The following SNTG1 variants were observed in gnomAD, a reference collection of about 807,000 sequenced individuals.
SNTG1 encodes syntrophin gamma 1.
Under a neutral mutation model 74.7 loss-of-function variants are expected in SNTG1, and 39 were observed. The observed-to-expected ratio is 0.52, with a 90% CI of 0.40 to 0.68. The LOEUF (loss-of-function observed/expected upper bound fraction) is 0.68, where lower values mean the gene tolerates loss of function less well. Among genes scored for constraint, SNTG1 ranks in the 30% least tolerant of loss-of-function variants. The pLI, the probability that SNTG1 is intolerant of heterozygous loss-of-function variation, is 0.00. For missense variants in SNTG1, 685 were observed against 609.5 expected (o/e 1.12, Z -1.30); for synonymous variants, 254 against 217.1 (o/e 1.17, Z -1.49).
At chr8:50,530,111 G>A in intron 9 of SNTG1, 66 bp from the exon 10 acceptor site, 1 of 1,239,010 alleles carries the variant, frequency 8.1e-7, no homozygotes, top group Non-Finnish European at 1.2e-6. Context: ...AAGTGTAATG[G>A]AATGCATCAG....
intron 11 of SNTG1, among the ~76,000 whole-genome samples, chr8:50,543,987 C>T (rs1052581123): frequency 2.6e-5 from 4 of 151,932 alleles, no homozygotes; most frequent in Admixed American, 2.6e-4. Flanking sequence ...GGTGAAGTGT[C>T]TGTTTATGTC....
intron 15 of SNTG1, among the ~76,000 whole-genome samples, chr8:50,683,720 T>C (rs1306946783): frequency 6.6e-6 from 1 of 152,194 alleles, no homozygotes; most frequent in African/African-American, 2.4e-5. Flanking sequence ...TGGCTTTTAC[T>C]ACTTGAGGGA....
At chr8:50,702,862 C>T (rs2095430851) in intron 15 of SNTG1, among the ~76,000 whole-genome samples, 1 of 151,402 alleles carries the variant, frequency 6.6e-6, no homozygotes, top group Admixed American at 6.6e-5. Context: ...GCAAAAGTAA[C>T]ATAATGGTAA....
At chr8:50,645,446 T>A (rs975479495) in intron 13 of SNTG1, among the ~76,000 whole-genome samples, 6 of 152,172 alleles carry the variant, frequency 3.9e-5, no homozygotes, top group Admixed American at 6.5e-5. Context: ...ATATCTTATT[T>A]GTGTGTGGAT....
intron 4 of SNTG1, among the ~76,000 whole-genome samples, chr8:50,431,035 A>T (rs191636879): frequency 2.7e-4 from 41 of 152,238 alleles, no homozygotes; most frequent in Admixed American, 2.5e-3. Context: ...TTCCACAGTG[A>T]CTTAGGTCAC....
intron 1 of SNTG1, among the ~76,000 whole-genome samples, chr8:50,022,202 T>TC (rs1816885476): frequency 6.6e-6 from 1 of 152,170 alleles, no homozygotes; most frequent in African/African-American, 2.4e-5. Context: ...GGAAATAACA[T>TC]CCCTGTGATG....
chr8:50,315,498 TA>T (rs1389866294), intron 2 of SNTG1, among the ~76,000 whole-genome samples: 1 of 149,758 alleles, frequency 6.7e-6, no homozygotes, highest in African/African-American at 2.5e-5. Flanking sequence ...TAAGAGTAGA[TA>T]AAAAATAAAA....
At chr8:50,408,468 A>G (rs2092907605) in intron 4 of SNTG1, among the ~76,000 whole-genome samples, 1 of 152,008 alleles carries the variant, frequency 6.6e-6, no homozygotes, top group South Asian at 2.1e-4. Flanking sequence ...GTGGACTGGG[A>G]CTCAGGGATG....
At chr8:49,948,822 G>T (rs976426930) in intron 1 of SNTG1, among the ~76,000 whole-genome samples, 12 of 152,208 alleles carry the variant, frequency 7.9e-5, no homozygotes, top group African/African-American at 2.9e-4. Flanking sequence ...GCACTGGAAA[G>T]AAGCGGTTCT....
intron 2 of SNTG1, among the ~76,000 whole-genome samples, chr8:50,175,987 T>A (rs565423926): frequency 4.6e-5 from 7 of 152,210 alleles, no homozygotes; most frequent in Non-Finnish European, 1.0e-4. Context: ...TCCTCAGCTG[T>A]CACAACTGGG....
intron 9 of SNTG1, among the ~76,000 whole-genome samples, chr8:50,526,682 C>CAG (rs1563525275): frequency 2.6e-5 from 4 of 151,750 alleles, no homozygotes; most frequent in African/African-American, 4.8e-5. Flanking sequence ...ATGGAGTCTC[C>CAG]CCCTGTTGCC....
intron 17 of SNTG1, among the ~76,000 whole-genome samples, chr8:50,732,002 G>A (rs2095514000): frequency 1.3e-5 from 2 of 151,922 alleles, no homozygotes; most frequent in South Asian, 4.1e-4. Flanking sequence ...CTTCAGTTAA[G>A]TATATTCATT....
rs114714150 is a variant in SNTG1 at position 49,923,678 on chromosome 8, A to C, written c.-103+11447A>C. On this transcript the variant is annotated intron_variant, in intron 1 of 18. Transcript: ENST00000642720. ...CTGCTCCTAATGAACATGGAATTTA[A>C]ACAACTGGAACAAATCCAATAAGGA... is the stretch of plus-strand genomic sequence containing the variant. 5.0e-4 allele frequency among the ~76,000 whole-genome samples: 76 copies of C among 152,288 alleles called. 1 individual carries two copies. The highest frequency in any genetic ancestry group is 1.7e-3 in the African/African-American group (71 of 41,568).
intron 17 of SNTG1, among the ~76,000 whole-genome samples, chr8:50,746,688 A>G (rs1387826873): frequency 1.3e-5 from 2 of 151,690 alleles, no homozygotes; most frequent in African/African-American, 4.8e-5. Context: ...TAGTTTATTA[A>G]CTGTGACAAG....
chr8:50,687,111 C>G (rs552054567), intron 15 of SNTG1, among the ~76,000 whole-genome samples: 2 of 147,584 alleles, frequency 1.4e-5, no homozygotes, highest in East Asian at 3.9e-4. Context: ...GTCCGCAGTC[C>G]GGCCTGGGCG....
intron 17 of SNTG1, among the ~76,000 whole-genome samples, chr8:50,742,439 C>T (rs534767679): frequency 6.6e-6 from 1 of 151,636 alleles, no homozygotes; most frequent in East Asian, 2.0e-4. Flanking sequence ...AAGAAGAAAA[C>T]AAATATTTAG....
intron 2 of SNTG1, among the ~76,000 whole-genome samples, chr8:50,254,087 G>A (rs952222027): frequency 6.6e-6 from 1 of 152,122 alleles, no homozygotes; most frequent in Non-Finnish European, 1.5e-5. Flanking sequence ...TGCATGAGGT[G>A]ATGGATACAC....
intron 1 of SNTG1, among the ~76,000 whole-genome samples, chr8:50,145,975 A>AAT (rs2081849753): frequency 1.3e-5 from 2 of 149,674 alleles, no homozygotes; most frequent in South Asian, 4.2e-4. Flanking sequence ...ATAATAATAA[A>AAT]AAAAAAAAGA....
intron 17 of SNTG1, among the ~76,000 whole-genome samples, chr8:50,738,231 G>T (rs1201355434): frequency 1.3e-5 from 2 of 152,106 alleles, no homozygotes; most frequent in African/African-American, 4.8e-5. Flanking sequence ...CAAAATCAAT[G>T]TACAAATATC....
Sources: allele counts gnomAD v4.1 joint callset (sites outside exome capture counted in the v4.1 genomes callset), GRCh38; gene constraint gnomAD v4.1.1; transcripts MANE v1.5; gene names NCBI Gene and HGNC (gene_info 2026-07-23, HGNC 2026-07-21).